FTCDNL1: variants seen among roughly 807,000 people sequenced by gnomAD.
The protein encoded by FTCDNL1 is formiminotransferase N-terminal subdomain-containing protein.
In FTCDNL1, 11 loss-of-function variants were observed where a neutral mutation model predicts 5.9. That is an observed-to-expected ratio of 1.87 (90% CI 1.18 to 3.10). The LOEUF is 3.10. FTCDNL1 is among the 30% of genes most tolerant of loss of function. The pLI is 0.00. For synonymous variants in FTCDNL1, 58 were observed against 24.8 expected, an observed-to-expected ratio of 2.34 and a Z score of -3.99; for missense variants, 115 against 65.5, an observed-to-expected ratio of 1.76 and a Z score of -2.61.
At chr2:199,822,634 T>C (rs1701770208) in intron 3 of FTCDNL1, among the ~76,000 whole-genome samples, 1 of 152,210 alleles carries the variant, frequency 6.6e-6, no homozygotes, top group Non-Finnish European at 1.5e-5. Context: ...GTGATGCTGT[T>C]TGATAGTATT....
the FTCDNL1 span, among the ~76,000 whole-genome samples, chr2:199,668,213 A>G: frequency 6.6e-6 from 1 of 152,246 alleles, no homozygotes; most frequent in Non-Finnish European, 1.5e-5. Context: ...TAAGTGAAAC[A>G]TCTCATATTT....
the FTCDNL1 span, among the ~76,000 whole-genome samples, chr2:199,677,084 C>T: frequency 2.6e-5 from 4 of 152,122 alleles, no homozygotes; most frequent in Non-Finnish European, 5.9e-5. Flanking sequence ...CCTGGAGAAG[C>T]GTGTTGAGGT....
chr2:199,800,890 A>G (rs1700411569), intron 3 of FTCDNL1, among the ~76,000 whole-genome samples: 1 of 152,240 alleles, frequency 6.6e-6, no homozygotes, highest in Admixed American at 6.5e-5. Context: ...TGGTGTCCTT[A>G]TAATTGTATA....
At chr2:199,681,946 C>T in the FTCDNL1 span, among the ~76,000 whole-genome samples, 24 of 151,688 alleles carry the variant, frequency 1.6e-4, no homozygotes, top group African/African-American at 5.6e-4. Context: ...TTTCCTATTA[C>T]AATCAAAATT....
the FTCDNL1 span, among the ~76,000 whole-genome samples, chr2:199,751,236 C>T: frequency 6.6e-6 from 1 of 152,212 alleles, no homozygotes; most frequent in African/African-American, 2.4e-5. Context: ...TGTCAGCTTT[C>T]TGAAGAGCTC....
chr2:199,717,213 G>A, the FTCDNL1 span, among the ~76,000 whole-genome samples: 1 of 152,214 alleles, frequency 6.6e-6, no homozygotes, highest in Non-Finnish European at 1.5e-5. Context: ...AGAATTAGAA[G>A]CTACAGAAGA....
intron 4 of FTCDNL1, chr2:199,818,227 G>T (rs1371888575): frequency 6.6e-6 from 1 of 152,100 alleles, no homozygotes; most frequent in African/African-American, 2.4e-5. Flanking sequence ...CCAGGAAATG[G>T]ATTTCTGAAA....
chr2:199,844,646 T>A, intron 3 of FTCDNL1: 1 of 420,168 alleles, frequency 2.4e-6, no homozygotes, highest in Non-Finnish European at 4.2e-6. Flanking sequence ...GTGTAGAAGA[T>A]TTTTTGTCCA....
the FTCDNL1 span, among the ~76,000 whole-genome samples, chr2:199,754,619 A>C: frequency 6.6e-6 from 1 of 152,094 alleles, no homozygotes; most frequent in Non-Finnish European, 1.5e-5. Flanking sequence ...TTTCCTAGAG[A>C]GTCTCCAGGG....
At chr2:199,705,990 G>C in the FTCDNL1 span, among the ~76,000 whole-genome samples, 1 of 152,136 alleles carries the variant, frequency 6.6e-6, no homozygotes, top group Non-Finnish European at 1.5e-5. Context: ...CCTGTCTTGG[G>C]CTAGGATTGC....
chr2:199,780,636 C>T (rs549112917), intron 3 of FTCDNL1, among the ~76,000 whole-genome samples: 36 of 152,328 alleles, frequency 2.4e-4, no homozygotes, highest in South Asian at 8.3e-4. Flanking sequence ...AGCACTTCCG[C>T]TGATCTAGAC....
chr2:199,676,520 A>G, the FTCDNL1 span, among the ~76,000 whole-genome samples: 2 of 151,922 alleles, frequency 1.3e-5, no homozygotes, highest in East Asian at 3.8e-4. Context: ...ATCCCCCAGT[A>G]TATTTACACT....
At chr2:199,772,350 C>T (rs769160993) in intron 3 of FTCDNL1, among the ~76,000 whole-genome samples, 2 of 152,216 alleles carry the variant, frequency 1.3e-5, no homozygotes, top group African/African-American at 2.4e-5. Context: ...GAAAGCGAAA[C>T]TGCAGATAAG....
the FTCDNL1 span, among the ~76,000 whole-genome samples, chr2:199,685,589 C>A: frequency 2.8e-4 from 42 of 152,088 alleles, no homozygotes; most frequent in East Asian, 8.1e-3. Flanking sequence ...TTTTTATATG[C>A]AAATATAAGA....
the FTCDNL1 span, among the ~76,000 whole-genome samples, chr2:199,723,422 T>C: frequency 1.2e-3 from 184 of 152,238 alleles, no homozygotes; most frequent in Admixed American, 3.8e-3. Context: ...AATACTATGT[T>C]GAATAGGCGT....
chr2:199,738,486 G>A, the FTCDNL1 span, among the ~76,000 whole-genome samples: 1 of 152,282 alleles, frequency 6.6e-6, no homozygotes, highest in Admixed American at 6.5e-5. Flanking sequence ...TAATTAGCCT[G>A]TGAAGATCAC....
intron 3 of FTCDNL1, among the ~76,000 whole-genome samples, chr2:199,766,117 A>C (rs12611872): frequency 0.036 from 5,513 of 152,246 alleles, 151 homozygotes; most frequent in East Asian, 0.14. Flanking sequence ...CAGTGTGAAA[A>C]CCTCCTTAAA....
chr2:199,845,289 G>A (rs180913801), intron 3 of FTCDNL1, among the ~76,000 whole-genome samples: 7 of 152,114 alleles, frequency 4.6e-5, no homozygotes, highest in East Asian at 1.9e-4. Context: ...TGTCCAGGCC[G>A]GGCTCAGTGG....
At chr2:199,691,049 T>C in the FTCDNL1 span, among the ~76,000 whole-genome samples, 1 of 152,260 alleles carries the variant, frequency 6.6e-6, no homozygotes. Flanking sequence ...ATAAAGAAGT[T>C]ATTTCTATGA....
Sources: allele counts gnomAD v4.1 joint callset (sites outside exome capture counted in the v4.1 genomes callset), GRCh38; gene constraint gnomAD v4.1.1; transcripts MANE v1.5; gene names NCBI Gene and HGNC (gene_info 2026-07-23, HGNC 2026-07-21).